The following CLYBL variants were observed in gnomAD, a reference collection of about 807,000 sequenced individuals.
CLYBL encodes the protein citramalyl-CoA lyase, mitochondrial.
CLYBL carries 31 observed loss-of-function variants against 38.9 expected under a neutral mutation model. The ratio of observed to expected loss-of-function variants is 0.80; its 90% CI spans 0.60 to 1.08. CLYBL has a LOEUF of 1.08. CLYBL is among the 50% of genes least tolerant of loss of function. CLYBL has a pLI of 0.00. For synonymous variants in CLYBL, 171 were observed against 158.6 expected, an observed-to-expected ratio of 1.08 and a Z score of -0.59; for missense variants, 434 against 411.6, an observed-to-expected ratio of 1.05 and a Z score of -0.47.
rs779708696 is a variant in CLYBL at position 99,751,601 on chromosome 13, TTAGAG to T, written c.63-21219_63-21215del. Among the ~76,000 whole-genome samples, 106 of 152,306 alleles carry T rather than the reference TTAGAG, an allele frequency of 7.0e-4. 1 individual carries two copies. The highest frequency in any genetic ancestry group is 1.6e-3 in the Admixed American group (24 of 15,306). ...GTGTGATTCCATCTATGTGAAGTAT[TTAGAG>T]TAGTCAAATTCATAGAGATGGAAAG... On this transcript the variant is annotated intron_variant, in intron 1 of 8. Coordinates refer to ENST00000339105, the MANE Select transcript of CLYBL (RefSeq NM_206808.5).
chr13:99,854,155 TC>T (rs2051399683), intron 2 of CLYBL, among the ~76,000 whole-genome samples: 1 of 152,166 alleles, frequency 6.6e-6, no homozygotes, highest in Non-Finnish European at 1.5e-5. Context: ...AAATCTTGGG[TC>T]GCACATAGCT....
At position 99,891,433 on chromosome 13, in the gene CLYBL, A is replaced by G. The variant is rs761071460; in HGVS notation, c.*20A>G. The G allele has an allele frequency of 4.5e-6, 7 of 1,572,210 alleles. No individual in the cohort carries two copies. Among genetic ancestry groups the G allele is most frequent in the South Asian group, 1.1e-5 (1 of 90,230 alleles). On this transcript the variant is annotated 3_prime_UTR_variant, in exon 8 of 9. Transcript: ENST00000339105. ...AAATGATCTGTTAAATGAAGCTGTC[A>G]TCAGGTGGGCTGAACATATACAGTG...
chr13:99,629,157 A>G (rs567489307), intron 1 of CLYBL, among the ~76,000 whole-genome samples: 39 of 152,322 alleles, frequency 2.6e-4, no homozygotes, highest in African/African-American at 9.1e-4. Flanking sequence ...GGGTTCCCCA[A>G]TGTGGGGACA....
intron 2 of CLYBL, among the ~76,000 whole-genome samples, chr13:99,853,932 A>G (rs1433366807): frequency 6.6e-6 from 1 of 152,240 alleles, no homozygotes; most frequent in Non-Finnish European, 1.5e-5. Flanking sequence ...GGACCACTTC[A>G]TGCCCGTGAC....
chr13:99,785,414 A>G (rs369545002), intron 2 of CLYBL, among the ~76,000 whole-genome samples: 108 of 149,872 alleles, frequency 7.2e-4, no homozygotes, highest in South Asian at 3.4e-3. Flanking sequence ...GGGTCTCTCT[A>G]TGTTGCCCAG....
intron 1 of CLYBL, among the ~76,000 whole-genome samples, chr13:99,677,564 G>A (rs901530640): frequency 2.6e-5 from 4 of 152,168 alleles, no homozygotes; most frequent in Admixed American, 2.0e-4. Context: ...GTGTGTTTGC[G>A]ATTTATCTGG....
intron 2 of CLYBL, among the ~76,000 whole-genome samples, chr13:99,818,588 A>G (rs1298826840): frequency 2.0e-5 from 3 of 152,082 alleles, no homozygotes; most frequent in African/African-American, 7.2e-5. Context: ...TGTTACAACA[A>G]CTCATACTGC....
intron 2 of CLYBL, among the ~76,000 whole-genome samples, chr13:99,799,780 G>T (rs1333891144): frequency 1.3e-5 from 2 of 152,182 alleles, no homozygotes. Flanking sequence ...TACCAAAGTG[G>T]CTAATTACGT....
chr13:99,795,698 A>T (rs1461253864), intron 2 of CLYBL, among the ~76,000 whole-genome samples: 2 of 152,166 alleles, frequency 1.3e-5, no homozygotes, highest in Non-Finnish European at 2.9e-5. Flanking sequence ...CTGTCAAAAG[A>T]GCTCAAAAGC....
intron 1 of CLYBL, among the ~76,000 whole-genome samples, chr13:99,710,881 CT>C (rs748011707): frequency 0.075 from 6,284 of 83,896 alleles, 73 homozygotes; most frequent in Middle Eastern, 0.095. Flanking sequence ...TTTCTAACCC[CT>C]TTTTTTTTTT....
At chr13:99,804,167 C>T (rs2050187411) in intron 2 of CLYBL, among the ~76,000 whole-genome samples, 1 of 152,208 alleles carries the variant, frequency 6.6e-6, no homozygotes, top group Non-Finnish European at 1.5e-5. Flanking sequence ...TAGCAGTGCA[C>T]AAAGGCAGAG....
At chr13:99,622,638 A>C (rs902615627) in intron 1 of CLYBL, among the ~76,000 whole-genome samples, 15 of 152,124 alleles carry the variant, frequency 9.9e-5, no homozygotes, top group African/African-American at 2.7e-4. Context: ...ACCTCCATCT[A>C]GTTCCAAAAC....
chr13:99,764,931 C>T (rs2049239038), intron 1 of CLYBL, among the ~76,000 whole-genome samples: 1 of 152,030 alleles, frequency 6.6e-6, no homozygotes, highest in Non-Finnish European at 1.5e-5. Context: ...TCAGGCAATC[C>T]TGCTGCCTCG....
rs554372005 is a variant in CLYBL at position 99,743,860 on chromosome 13, C to T, written c.63-28964C>T. On this transcript the variant is annotated intron_variant, in intron 1 of 8. Coordinates refer to ENST00000339105, the MANE Select transcript of CLYBL (RefSeq NM_206808.5). Reference sequence around the variant, plus strand: ...AATTTAAAATCCTATCGCTTTCCTGCGCCTTTGGGTTGCTCCTGCAGTCTA... The same window carrying T: ...AATTTAAAATCCTATCGCTTTCCTGTGCCTTTGGGTTGCTCCTGCAGTCTA... Among the ~76,000 whole-genome samples the T allele has an allele frequency of 2.0e-5, 3 of 151,786 alleles. No homozygotes were observed. The South Asian group carries it at 6.3e-4, about 32-fold the overall frequency.
chr13:99,857,086 G>A (rs757970519), intron 2 of CLYBL, among the ~76,000 whole-genome samples: 3 of 151,676 alleles, frequency 2.0e-5, no homozygotes, highest in Non-Finnish European at 4.4e-5. Context: ...AGGCTGAGGC[G>A]GGTGGATCAC....
intron 1 of CLYBL, among the ~76,000 whole-genome samples, chr13:99,673,438 CAG>C (rs2047597382): frequency 6.6e-6 from 1 of 150,802 alleles, no homozygotes. Context: ...AATGGTGCGA[CAG>C]GGGCAAAGGA....
intron 2 of CLYBL, among the ~76,000 whole-genome samples, chr13:99,786,295 G>A (rs932937279): frequency 6.7e-6 from 1 of 148,562 alleles, no homozygotes; most frequent in South Asian, 2.1e-4. Flanking sequence ...CCATGTTGGT[G>A]TGCTGCACCC....
At chr13:99,887,268 G>T (rs918754149) in intron 7 of CLYBL, among the ~76,000 whole-genome samples, 2 of 152,152 alleles carry the variant, frequency 1.3e-5, no homozygotes, top group East Asian at 3.9e-4. Flanking sequence ...GATTCAGGGG[G>T]TCACAGAACA....
intron 1 of CLYBL, among the ~76,000 whole-genome samples, chr13:99,770,308 G>C (rs1594170965): frequency 6.6e-6 from 1 of 150,572 alleles, no homozygotes; most frequent in Non-Finnish European, 1.5e-5. Flanking sequence ...GGCTGGTCTC[G>C]AACTCTTTTT....
Sources: gnomAD v4.1 joint callset for allele counts (sites outside exome capture counted in the v4.1 genomes callset) on GRCh38, gnomAD v4.1.1 for gene constraint, MANE v1.5 for transcripts, NCBI Gene and HGNC (gene_info 2026-07-23, HGNC 2026-07-21) for gene names.